SLC43A2: variants seen among roughly 807,000 people sequenced by gnomAD.
SLC43A2 encodes the protein large neutral amino acids transporter small subunit 4.
Under a neutral mutation model 63.2 loss-of-function variants are expected in SLC43A2, and 38 were observed. That is an observed-to-expected ratio of 0.60 (90% CI 0.46 to 0.79). The LOEUF (loss-of-function observed/expected upper bound fraction) is 0.79. Among genes scored for constraint, SLC43A2 ranks in the 30% least tolerant of loss-of-function variants. The pLI is 0.00. For missense variants in SLC43A2, 644 were observed against 756.2 expected, an observed-to-expected ratio of 0.85 and a Z score of 1.74; for synonymous variants, 322 against 331.0, an observed-to-expected ratio of 0.97 and a Z score of 0.30.
At chr17:1,579,287 C>A (rs2075978371) in intron 11 of SLC43A2, among the ~76,000 whole-genome samples, 1 of 150,850 alleles carries the variant, frequency 6.6e-6, no homozygotes, top group South Asian at 2.1e-4. Context: ...ACAGTGAAAC[C>A]CCATCTTTAC....
Position 1,590,921 on chromosome 17 carries a change from A to T in SLC43A2, c.959T>A (p.Phe320Tyr). 6.4e-7 allele frequency: 1 copy of T among 1,551,424 alleles called. No individual in the cohort carries two copies. Among genetic ancestry groups the T allele is most frequent in the Non-Finnish European group, 8.7e-7 (1 of 1,147,294 alleles). ...AVAPSFMHSVFSPILLLSLVT... is the reference protein window; with the variant it reads ...AVAPSFMHSVYSPILLLSLVT... ...CAGGCTGAGCAGCAGGATGGGGCTGAACACGCTGTGCATGAAGGAGGGGGC... is the reference window on the plus strand; with the variant it reads ...CAGGCTGAGCAGCAGGATGGGGCTGTACACGCTGTGCATGAAGGAGGGGGC... The change falls in exon 9 of 14, where the codon TTC becomes TAC. Residue 320 changes from phenylalanine to tyrosine, a missense_variant. Coordinates refer to ENST00000301335, the MANE Select transcript of SLC43A2 (RefSeq NM_152346.3).
At chr17:1,585,334 C>G in intron 10 of SLC43A2, 1 of 711,730 alleles carries the variant, frequency 1.4e-6, no homozygotes, top group South Asian at 4.0e-5. Flanking sequence ...CTCCACCTCC[C>G]GGGTTCAAGC....
rs1291353375 is a variant in SLC43A2 at position 1,593,840 on chromosome 17, TTTC to T, written c.502-564_502-562del. ...CTGGCCCAGGATTCCTGCTTCTGAA[TTTC>T]TTTTCTTTGTTTTGAGATGGGGTTT... On this transcript the variant is annotated intron_variant, in intron 5 of 13. Coordinates refer to ENST00000301335, the MANE Select transcript of SLC43A2 (RefSeq NM_152346.3). This position sits in a 1 kb window ranked among gnomAD's most constrained non-coding sequence, Gnocchi z 5.3. Among the ~76,000 whole-genome samples, 1 of 152,110 alleles carries T rather than the reference TTTC, an allele frequency of 6.6e-6. No individual in the cohort carries two copies. Among genetic ancestry groups the T allele is most frequent in the African/African-American group, 2.4e-5 (1 of 41,422 alleles).
intron 10 of SLC43A2, chr17:1,585,179 T>A: frequency 1.0e-6 from 1 of 989,844 alleles, no homozygotes; most frequent in Non-Finnish European, 1.2e-6. Flanking sequence ...AATGGTCTGC[T>A]AGCCATTGTC....
intron 5 of SLC43A2, among the ~76,000 whole-genome samples, 157 bp downstream of exon 5, chr17:1,613,038 G>A (rs1466277627): frequency 1.3e-5 from 2 of 151,686 alleles, no homozygotes; most frequent in African/African-American, 4.8e-5. Context: ...CAGCTGAGGA[G>A]GCCCTGCCAG....
chr17:1,615,639 C>T lies in SLC43A2; in HGVS notation c.369-605G>A, dbSNP rs1023579313. On this transcript the variant is annotated intron_variant, in intron 3 of 13. Transcript: ENST00000301335. The stretch of plus-strand genomic sequence containing the variant: ...CGGGCAGATCACAAGGTCAGGAGAT[C>T]GAGACCATCCTGGCTAACACAGTGA... 2.4e-4 allele frequency among the ~76,000 whole-genome samples: 36 copies of T among 149,760 alleles called. 1 individual carries two copies. Among genetic ancestry groups the T allele is most frequent in the South Asian group, 6.4e-4 (3 of 4,700 alleles).
Position 1,575,624 on chromosome 17 carries a change from T to C in SLC43A2, c.1690A>G (p.Asn564Asp), listed in dbSNP as rs370669607. ...AGCCACTACACGAAGGCCTCCTGGT[T>C]GGACGAGCCGTTGATTTTGAGGAAG... ...KLFLKINGSS[N>D]QEAFV The change falls in exon 14 of 14, where the codon AAC (asparagine) becomes GAC (aspartate). Residue 564 changes from asparagine to aspartate, a missense_variant. Asn to Asp is a conservative substitution (Grantham distance 23). Coordinates refer to ENST00000301335, the MANE Select transcript of SLC43A2 (RefSeq NM_152346.3). The C allele has an allele frequency of 4.3e-6, 7 of 1,613,884 alleles. No homozygotes were observed. The highest frequency in any genetic ancestry group is 3.4e-6 in the Non-Finnish European group (4 of 1,179,978).
chr17:1,611,033 G>A (rs1191792489), intron 5 of SLC43A2, among the ~76,000 whole-genome samples: 1 of 151,762 alleles, frequency 6.6e-6, no homozygotes, highest in East Asian at 2.0e-4. Context: ...GTAGAGACGG[G>A]GTTTCACTAT....
chr17:1,581,202 C>CACACACACACACA (rs2076007118), intron 11 of SLC43A2, among the ~76,000 whole-genome samples: 4 of 148,364 alleles, frequency 2.7e-5, no homozygotes, highest in South Asian at 4.4e-4. Context: ...TGCCCAGTGC[C>CACACACACACACA]CACACACACA....
chr17:1,581,083 T>G (rs2076004981), intron 11 of SLC43A2, among the ~76,000 whole-genome samples: 1 of 152,078 alleles, frequency 6.6e-6, no homozygotes, highest in South Asian at 2.1e-4. Context: ...GTGGTCGCCT[T>G]GTCTTCTGTA....
At chr17:1,585,888 C>T (rs374064363) in intron 10 of SLC43A2, 25 bp downstream of exon 10, 19 of 1,613,214 alleles carry the variant, frequency 1.2e-5, no homozygotes, top group East Asian at 4.5e-5. Flanking sequence ...GGCTGGGAGC[C>T]GGGGCACCGG....
Position 1,605,122 on chromosome 17 carries a change from C to T in SLC43A2, c.501+8073G>A. 1 of 1,307,218 alleles carries T rather than the reference C, an allele frequency of 7.6e-7. No homozygotes were observed. Among genetic ancestry groups the T allele is most frequent in the African/African-American group, 1.5e-5 (1 of 66,336 alleles). The allele number at this position is 1,307,218 out of a possible 1,614,324, so 81.0% of individuals were successfully genotyped here. A position where few individuals can be genotyped will look rare whatever the true frequency, so the allele number is the denominator to read the frequency against. ...CCCCTCTTCCCGCCCTCAGGTGCTT[C>T]CCACAGCCCCCTCGCCGCCTCTGCC... On this transcript the variant is annotated intron_variant, in intron 5 of 13. Transcript: ENST00000301335. The surrounding 1 kb of genome is among the most constrained non-coding windows in gnomAD (Gnocchi z 4.9).
rs1245022562 is a variant in SLC43A2 at position 1,577,488 on chromosome 17, AAGCGG to A, written c.1424+757_1424+761del. 6.6e-6 allele frequency among the ~76,000 whole-genome samples: 1 copy of A among 152,194 alleles called. No homozygotes were observed. Among genetic ancestry groups the A allele is most frequent in the Non-Finnish European group, 1.5e-5 (1 of 68,022 alleles). Reference sequence around the variant, plus strand: ...GCCTGGGGAGGGGCAGGCGGAGGGCAAGCGGAGCTGGGATTACCCCAGGGGCTGTT... The same window carrying A: ...GCCTGGGGAGGGGCAGGCGGAGGGCAAGCTGGGATTACCCCAGGGGCTGTT... On this transcript the variant is annotated intron_variant, in intron 12 of 13. Transcript: ENST00000301335. The surrounding 1 kb of genome is among the most constrained non-coding windows in gnomAD (Gnocchi z 4.9).
At chr17:1,620,875 G>T (rs2151079929) in intron 2 of SLC43A2, among the ~76,000 whole-genome samples, 1 of 152,228 alleles carries the variant, frequency 6.6e-6, no homozygotes, top group East Asian at 1.9e-4. Flanking sequence ...AAGTGCCAAG[G>T]CGTGGGGTGG....
In SLC43A2 at chr17:1,616,572, GC is replaced by G. The variant is rs1422181224; in HGVS notation, c.357del (p.Arg119SerfsTer14). 1 of 1,611,630 alleles carries G rather than the reference GC, an allele frequency of 6.2e-7. No homozygotes were observed. Among genetic ancestry groups the G allele is most frequent in the Non-Finnish European group, 8.5e-7 (1 of 1,178,982 alleles). ...VMDKYGPRKL[R>X]LLGSACFAVS... ...GGGACCCACACTGACCTGCCCAGCA[GC>G]CTGAGCTTCCTCGGGCCATACTTGT... On this transcript the variant is annotated frameshift_variant, in exon 3 of 14. Coordinates refer to ENST00000301335, the MANE Select transcript of SLC43A2 (RefSeq NM_152346.3). LOFTEE classifies it high-confidence loss of function.
At chr17:1,615,662 T>G (rs542083809) in intron 3 of SLC43A2, among the ~76,000 whole-genome samples, 2 of 148,950 alleles carry the variant, frequency 1.3e-5, no homozygotes, top group East Asian at 2.0e-4. Flanking sequence ...GCTAACACAG[T>G]GAAACCCCGT....
rs1382695514 is a variant in SLC43A2 at position 1,577,229 on chromosome 17, C to T, written c.1425-509G>A. ...TCCAGGCCCCAGACTCTGGGGAGGGCCCACCCCACTCAGCTGTGCCCAGGG... is the reference window on the plus strand; with the variant it reads ...TCCAGGCCCCAGACTCTGGGGAGGGTCCACCCCACTCAGCTGTGCCCAGGG... On this transcript the variant is annotated intron_variant, in intron 12 of 13. Coordinates refer to ENST00000301335, the MANE Select transcript of SLC43A2 (RefSeq NM_152346.3). The surrounding 1 kb of genome is among the most constrained non-coding windows in gnomAD (Gnocchi z 4.9). Among the ~76,000 whole-genome samples the T allele has an allele frequency of 2.0e-5, 3 of 152,220 alleles. No homozygotes were observed. Among genetic ancestry groups the T allele is most frequent in the South Asian group, 2.1e-4 (1 of 4,822 alleles).
chr17:1,586,457 G>A (rs897596209), intron 9 of SLC43A2, among the ~76,000 whole-genome samples: 5 of 152,078 alleles, frequency 3.3e-5, no homozygotes, highest in Admixed American at 2.0e-4. Context: ...AGCACTTTGG[G>A]AGCCCGAGGT....
chr17:1,618,263 C>T (rs1907857738), intron 2 of SLC43A2, among the ~76,000 whole-genome samples: 2 of 152,238 alleles, frequency 1.3e-5, no homozygotes, highest in East Asian at 1.9e-4. Flanking sequence ...TCTCCACTTT[C>T]TACCTGCATG....
Sources: allele counts gnomAD v4.1 joint callset (sites outside exome capture counted in the v4.1 genomes callset), GRCh38; gene constraint gnomAD v4.1.1; non-coding constraint Gnocchi (gnomAD v3.1); transcripts MANE v1.5; gene names NCBI Gene and HGNC (gene_info 2026-07-23, HGNC 2026-07-21).